The following ERF variants were observed in gnomAD, a reference collection of about 807,000 sequenced individuals.
The protein encoded by ERF is ETS domain-containing transcription factor ERF.
A neutral mutation model predicts 41.6 loss-of-function variants in ERF; 10 were observed. The ratio of observed to expected loss-of-function variants is 0.24; its 90% confidence interval spans 0.15 to 0.41. The LOEUF is 0.41. ERF is among the 10% of genes least tolerant of loss of function. ERF has a pLI of 1.00. For missense variants in ERF, 621 were observed against 763.2 expected, an observed-to-expected ratio of 0.81 and a Z score of 2.19; for synonymous variants, 395 against 342.4, an observed-to-expected ratio of 1.15 and a Z score of -1.70.
In ERF at chr19:42,249,611, TGAA is replaced by T. The variant is rs768663833; in HGVS notation, c.498_500del (p.Ser171del). Reference sequence around the variant, plus strand: ...CAGCCGAGAAGAGGGAAGATGAAGATGAAGAGCAGGCTGGTGGTGAGCGGGGGT... The same window carrying T: ...CAGCCGAGAAGAGGGAAGATGAAGATGAGCAGGCTGGTGGTGAGCGGGGGT... On this transcript the variant is annotated inframe_deletion, in exon 4 of 4. Transcript: ENST00000222329. This position sits in a 1 kb window ranked among gnomAD's most constrained non-coding sequence, Gnocchi z 8.6. 324 of 1,612,804 alleles carry T rather than the reference TGAA, an allele frequency of 2.0e-4. No individual in the cohort carries two copies. The highest frequency in any genetic ancestry group is 2.6e-4 in the Non-Finnish European group (301 of 1,179,714).
At chr19:42,251,606 G>T (rs1361440864) in intron 1 of ERF, among the ~76,000 whole-genome samples, 1 of 152,100 alleles carries the variant, frequency 6.6e-6, no homozygotes, top group East Asian at 1.9e-4. Flanking sequence ...GGTGCCACTA[G>T]AGAGAGAAGG....
intron 1 of ERF, among the ~76,000 whole-genome samples, chr19:42,253,182 A>C (rs2036473014): frequency 6.6e-6 from 1 of 152,128 alleles, no homozygotes; most frequent in African/African-American, 2.4e-5. Flanking sequence ...GTCGGAAGGG[A>C]GGAGTGGTGG....
In ERF at chr19:42,249,395, C is replaced by G. The variant is rs1211322399; in HGVS notation, c.717G>C (p.Arg239=). The G allele has an allele frequency of 6.4e-7, 1 of 1,574,598 alleles. No individual in the cohort carries two copies. The highest frequency in any genetic ancestry group is 8.6e-7 in the Non-Finnish European group (1 of 1,160,804). ...PGVFRVYPRP[R]GGPEPLSPFP... ...AGGGGCTGAGGGGTTCAGGGCCACC[C>G]CGAGGCCGGGGATAGACTCGGAAGA... Residue 239 remains arginine, a synonymous_variant, in exon 4 of 4, where the codon CGG becomes CGC. Coordinates refer to ENST00000222329, the MANE Select transcript of ERF (RefSeq NM_006494.4). This position sits in a 1 kb window ranked among gnomAD's most constrained non-coding sequence, Gnocchi z 8.6.
At position 42,250,787 on chromosome 19, in the gene ERF, G is replaced by GCGACAC. The variant is rs2036431809; in HGVS notation, c.23-228_23-223dup. The stretch of plus-strand genomic sequence containing the variant: ...GGAGGGGAAGCTGGAGCCCGCTCCA[G>GCGACAC]CGACACCGGGAGAAACAGGAAACCG... On this transcript the variant is annotated intron_variant, in intron 1 of 3. Coordinates refer to ENST00000222329, the MANE Select transcript of ERF (RefSeq NM_006494.4). This position sits in a 1 kb window ranked among gnomAD's most constrained non-coding sequence, Gnocchi z 5.1. Among the ~76,000 whole-genome samples, 1 of 152,184 alleles carries GCGACAC rather than the reference G, an allele frequency of 6.6e-6. No homozygotes were observed. Among genetic ancestry groups the GCGACAC allele is most frequent in the Admixed American group, 6.5e-5 (1 of 15,288 alleles).
At position 42,250,432 on chromosome 19, in the gene ERF, G is replaced by A. The variant is rs988289115; in HGVS notation, c.156C>T (p.Tyr52=). 2 of 1,613,646 alleles carry A rather than the reference G, an allele frequency of 1.2e-6. No homozygotes were observed. Among genetic ancestry groups the A allele is most frequent in the Non-Finnish European group, 1.7e-6 (2 of 1,180,028 alleles). ...YQGVIAWQGD[Y]GEFVIKDPDE... ...CAGGGTCTTTGATGACGAATTCCCCGTAGTCCCCCTGCCAGGCAATGACGC... is the reference window on the plus strand; with the variant it reads ...CAGGGTCTTTGATGACGAATTCCCCATAGTCCCCCTGCCAGGCAATGACGC... Residue 52 remains tyrosine (Y), a synonymous_variant, in exon 2 of 4, where the codon TAC becomes TAT. Transcript: ENST00000222329. The surrounding 1 kb of genome is among the most constrained non-coding windows in gnomAD (Gnocchi z 5.1).
intron 1 of ERF, among the ~76,000 whole-genome samples, chr19:42,253,150 CT>C (rs2036472489): frequency 6.6e-6 from 1 of 152,150 alleles, no homozygotes; most frequent in East Asian, 1.9e-4. Context: ...ACGGCCCAAA[CT>C]TTTTTTAAGG....
Position 42,249,988 on chromosome 19 carries a change from C to T in ERF, c.258-46G>A, listed in dbSNP as rs1380581712. The T allele has an allele frequency of 3.2e-6, 5 of 1,538,750 alleles. No homozygotes were observed. In the African/African-American group the frequency reaches 6.8e-5, roughly 21 times the overall value. On this transcript the variant is annotated intron_variant, in intron 2 of 3. Coordinates refer to ENST00000222329, the MANE Select transcript of ERF (RefSeq NM_006494.4). This position sits in a 1 kb window ranked among gnomAD's most constrained non-coding sequence, Gnocchi z 8.6. ...TTGGGAAGGTCAGGTACGTGGGACC[C>T]AGGTCTAGACTCCACACCTTAACAC...
chr19:42,249,815 C>T lies in ERF; in HGVS notation c.373+12G>A, dbSNP rs2036413969. ...GTAGACCCTCTCCACACCAACCATC[C>T]CTGGTACTCACCAGCCAACCCCACA... is the stretch of plus-strand genomic sequence containing the variant. On this transcript the variant is annotated intron_variant, in intron 3 of 3. Coordinates refer to ENST00000222329, the MANE Select transcript of ERF (RefSeq NM_006494.4). The surrounding 1 kb of genome is among the most constrained non-coding windows in gnomAD (Gnocchi z 8.6). 4.3e-6 allele frequency: 7 copies of T among 1,614,030 alleles called. No homozygotes were observed. The highest frequency in any genetic ancestry group is 1.3e-5 in the African/African-American group (1 of 74,916).
chr19:42,251,388 C>G (rs1240480760), intron 1 of ERF: 2 of 980,098 alleles, frequency 2.0e-6, no homozygotes, highest in Non-Finnish European at 2.4e-6. Context: ...CCAGCATTAA[C>G]CTTGGGTAGA....
intron 1 of ERF, among the ~76,000 whole-genome samples, chr19:42,252,674 A>C (rs553139046): frequency 1.3e-5 from 2 of 151,254 alleles, no homozygotes; most frequent in South Asian, 2.1e-4. Flanking sequence ...AGCCCACCAC[A>C]ACGGCGGCTT....
At chr19:42,254,087 A>G (rs55675421) in intron 1 of ERF, among the ~76,000 whole-genome samples, 151,013 of 151,080 alleles carry the variant, frequency 1, 75,473 homozygotes, top group Middle Eastern at 1. Context: ...TGGGAGGGGG[A>G]GTTAATCCCG....
At chr19:42,253,797 G>T in intron 1 of ERF, 2 of 851,668 alleles carry the variant, frequency 2.3e-6, no homozygotes, top group Non-Finnish European at 2.8e-6. Context: ...GGGTGGGAAT[G>T]GGGTGGGGAT....
rs2036411360 is a variant in ERF at position 42,249,711 on chromosome 19, G to A, written c.401C>T (p.Pro134Leu). ...AGGAVPQSAP[P>L]VPSGGSHFRF... ...GAAGTGGCTACCACCCGACGGCACT[G>A]GCGGGGCACTCTGGGGCACTGCACC... Residue 134 changes from proline to leucine, a missense_variant, in exon 4 of 4, where the codon CCA (proline) becomes CTA (leucine). By Grantham distance (98) the Pro-to-Leu change is moderately conservative. Transcript: ENST00000222329. This position sits in a 1 kb window ranked among gnomAD's most constrained non-coding sequence, Gnocchi z 8.6. The A allele has an allele frequency of 6.3e-7, 1 of 1,599,184 alleles. No homozygotes were observed. Among genetic ancestry groups the A allele is most frequent in the Non-Finnish European group, 8.5e-7 (1 of 1,170,646 alleles).
Position 42,255,127 on chromosome 19 carries a change from T to G in ERF, c.-128A>C. On this transcript the variant is annotated 5_prime_UTR_variant, in exon 1 of 4. Coordinates refer to ENST00000222329, the MANE Select transcript of ERF (RefSeq NM_006494.4). ...ACCCGGCCTCGCCTCTCAGAGCCTC[T>G]CCCCTCCCCGCCGCCGCCTCCCGGG... The G allele has an allele frequency of 1.3e-6, 1 of 786,832 alleles. No individual in the cohort carries two copies. The highest frequency in any genetic ancestry group is 1.7e-6 in the Non-Finnish European group (1 of 582,598). The allele number at this position is 786,832 out of a possible 1,614,324, so 48.7% of individuals were successfully genotyped here.
chr19:42,254,676 G>A (rs555080437), intron 1 of ERF: 272 of 301,666 alleles, frequency 9.0e-4, no homozygotes, highest in African/African-American at 5.4e-3. Context: ...AGAGCGGAGG[G>A]GAAGGACCCC....
At position 42,249,236 on chromosome 19, in the gene ERF, C is replaced by CT; in HGVS notation, c.875_876insA (p.Pro294AlafsTer15). The stretch of plus-strand genomic sequence containing the variant: ...AGCCTCCCCCTGAGCCGCTGGGCCC[C>CT]CCGCCACCACTGGGGTACATCGGGC... On this transcript the variant is annotated frameshift_variant, in exon 4 of 4. Coordinates refer to ENST00000222329, the MANE Select transcript of ERF (RefSeq NM_006494.4). LOFTEE classifies it high-confidence loss of function. This position sits in a 1 kb window ranked among gnomAD's most constrained non-coding sequence, Gnocchi z 8.6. 6.2e-7 allele frequency: 1 copy of CT among 1,613,130 alleles called. No homozygotes were observed. The highest frequency in any genetic ancestry group is 8.5e-7 in the Non-Finnish European group (1 of 1,179,580).
Position 42,248,735 on chromosome 19 carries a change from G to A in ERF, c.1377C>T (p.Ala459=). 1 of 1,613,640 alleles carries A rather than the reference G, an allele frequency of 6.2e-7. No individual in the cohort carries two copies. Among genetic ancestry groups the A allele is most frequent in the Non-Finnish European group, 8.5e-7 (1 of 1,179,956 alleles). ...EDGEVFKTPR[A]PPAPPKPEPG... Reference sequence around the variant, plus strand: ...GCTCAGGCTTAGGGGGTGCAGGTGGGGCACGGGGCGTCTTGAACACCTCCC... The same window carrying A: ...GCTCAGGCTTAGGGGGTGCAGGTGGAGCACGGGGCGTCTTGAACACCTCCC... The change falls in exon 4 of 4, where the codon GCC becomes GCT. Residue 459 remains alanine (A), a synonymous_variant. Coordinates refer to ENST00000222329, the MANE Select transcript of ERF (RefSeq NM_006494.4). The surrounding 1 kb of genome is among the most constrained non-coding windows in gnomAD (Gnocchi z 4.2).
chr19:42,250,352 T>TC lies in ERF; in HGVS notation c.235dup (p.Asp79GlyfsTer12). ...TCACCGCAGGGCCCGGCTCAGCTTG[T>TC]CGTAATTCATCTGGGGCTTGCACTT... On this transcript the variant is annotated frameshift_variant, in exon 2 of 4. Coordinates refer to ENST00000222329, the MANE Select transcript of ERF (RefSeq NM_006494.4). LOFTEE classifies it high-confidence loss of function. The surrounding 1 kb of genome is among the most constrained non-coding windows in gnomAD (Gnocchi z 5.1). The TC allele has an allele frequency of 6.2e-7, 1 of 1,614,032 alleles. No homozygotes were observed. Among genetic ancestry groups the TC allele is most frequent in the Non-Finnish European group, 8.5e-7 (1 of 1,179,998 alleles).
intron 1 of ERF, chr19:42,254,666 A>G: frequency 3.8e-6 from 1 of 265,360 alleles, no homozygotes; most frequent in Non-Finnish European, 7.2e-6. Context: ...CAACGTGACA[A>G]GAGCGGAGGG....
Sources: gnomAD v4.1 joint callset for allele counts (sites outside exome capture counted in the v4.1 genomes callset) on GRCh38, gnomAD v4.1.1 for gene constraint, Gnocchi (gnomAD v3.1) non-coding constraint, MANE v1.5 for transcripts, NCBI Gene and HGNC (gene_info 2026-07-23, HGNC 2026-07-21) for gene names.